Variants in POU6F2 observed in about 807,000 individuals in gnomAD.
The protein encoded by POU6F2 is POU domain, class 6, transcription factor 2.
Under a neutral mutation model 71.3 loss-of-function variants are expected in POU6F2, and 31 were observed. That is an observed-to-expected ratio of 0.43 (90% CI 0.33 to 0.59). POU6F2 has a LOEUF of 0.59. POU6F2 is among the 20% of genes least tolerant of loss of function. The pLI, the probability that POU6F2 is intolerant of heterozygous loss-of-function variation, is 0.04. For synonymous variants in POU6F2, 347 were observed against 355.7 expected, an observed-to-expected ratio of 0.98 and a Z score of 0.27; for missense variants, 783 against 856.8, an observed-to-expected ratio of 0.91 and a Z score of 1.07.
chr7:39,078,747 C>T (rs766792302), intron 1 of POU6F2, among the ~76,000 whole-genome samples: 92 of 152,178 alleles, frequency 6.0e-4, no homozygotes, highest in African/African-American at 2.1e-3. Context: ...CCCAGAGGAA[C>T]AGATATGACC....
intron 2 of POU6F2, among the ~76,000 whole-genome samples, chr7:39,199,498 T>A (rs929363409): frequency 6.6e-6 from 1 of 151,948 alleles, no homozygotes; most frequent in Admixed American, 6.6e-5. Flanking sequence ...AATTTTTTTT[T>A]AAAAGAATTG....
chr7:39,076,991 A>C (rs1791016377), intron 1 of POU6F2, among the ~76,000 whole-genome samples: 1 of 152,222 alleles, frequency 6.6e-6, no homozygotes, highest in African/African-American at 2.4e-5. Flanking sequence ...ACTCCCAAGC[A>C]ACTCTACATT....
intron 4 of POU6F2, among the ~76,000 whole-genome samples, chr7:39,322,856 G>T (rs1785424266): frequency 1.3e-5 from 2 of 152,228 alleles, no homozygotes; most frequent in South Asian, 4.1e-4. Flanking sequence ...TCCATTGCAG[G>T]CTCAGAGGTC....
chr7:39,454,276 C>T (rs1441353345), intron 8 of POU6F2, among the ~76,000 whole-genome samples: 1 of 152,116 alleles, frequency 6.6e-6, no homozygotes, highest in African/African-American at 2.4e-5. Context: ...AACTTGGAAG[C>T]TCTCCAAATT....
chr7:39,455,455 C>A (rs1027522590), intron 8 of POU6F2, among the ~76,000 whole-genome samples: 1 of 152,126 alleles, frequency 6.6e-6, no homozygotes, highest in Non-Finnish European at 1.5e-5. Context: ...TTGCAAACTC[C>A]CAAATGGCTT....
intron 4 of POU6F2, among the ~76,000 whole-genome samples, chr7:39,289,338 C>A (rs1006566987): frequency 1.3e-5 from 2 of 152,232 alleles, no homozygotes; most frequent in Non-Finnish European, 2.9e-5. Flanking sequence ...AACCACCCAC[C>A]ACGTGACCAT....
At chr7:39,416,814 TAAAA>T (rs531942673) in intron 6 of POU6F2, among the ~76,000 whole-genome samples, 5 of 142,496 alleles carry the variant, frequency 3.5e-5, no homozygotes, top group East Asian at 4.0e-4. Context: ...GTTAAAAATG[TAAAA>T]AAAAAAAAGA....
At chr7:39,138,542 T>C (rs972566234) in intron 2 of POU6F2, among the ~76,000 whole-genome samples, 1 of 152,150 alleles carries the variant, frequency 6.6e-6, no homozygotes, top group Non-Finnish European at 1.5e-5. Context: ...GTGTGAGGGA[T>C]CTAGGTTGTG....
rs573309125 is a variant in POU6F2 at position 38,987,390 on chromosome 7, T to C, written c.105+9332T>C. Among the ~76,000 whole-genome samples, 13 of 152,272 alleles carry C rather than the reference T, an allele frequency of 8.5e-5. No individual in the cohort carries two copies. The East Asian group carries it at 2.5e-3, about 29-fold the overall frequency. On this transcript the variant is annotated intron_variant, in intron 1 of 9. Transcript: ENST00000518318. ...TCAACTGAACAAAATGCTTGTTATT[T>C]TCTTTCATGAGCCTCAATGCTGTTT...
intron 1 of POU6F2, chr7:39,083,689 C>T (rs1791174770): frequency 6.6e-6 from 1 of 152,174 alleles, no homozygotes. Context: ...AAATCTATCA[C>T]TAGCAAATTC....
At chr7:39,156,810 C>T (rs1317226616) in intron 2 of POU6F2, among the ~76,000 whole-genome samples, 1 of 152,156 alleles carries the variant, frequency 6.6e-6, no homozygotes, top group East Asian at 1.9e-4. Flanking sequence ...TCCCTGCTTA[C>T]CTCTTCAGGA....
intron 6 of POU6F2, among the ~76,000 whole-genome samples, chr7:39,407,700 A>C (rs528642992): frequency 6.6e-6 from 1 of 152,002 alleles, no homozygotes. Context: ...TGTTCTGTGG[A>C]GAGCAGGCAT....
chr7:39,034,407 GA>G, intron 1 of POU6F2: 1 of 340,458 alleles, frequency 2.9e-6, no homozygotes, highest in South Asian at 2.2e-5. Flanking sequence ...AGATAGAGAA[GA>G]AAATGACGTG....
chr7:39,171,016 C>CTTTTTTTTTTTTT (rs760022218), intron 2 of POU6F2, among the ~76,000 whole-genome samples: 2 of 94,586 alleles, frequency 2.1e-5, no homozygotes, highest in Admixed American at 1.2e-4. Flanking sequence ...TCACATATAT[C>CTTTTTTTTTTTTT]TTTTTTTTTT....
intron 4 of POU6F2, among the ~76,000 whole-genome samples, chr7:39,292,151 C>T (rs1477544000): frequency 6.6e-6 from 1 of 152,146 alleles, no homozygotes; most frequent in Non-Finnish European, 1.5e-5. Context: ...AAAATAGCAA[C>T]TGGAAATAAC....
intron 1 of POU6F2, among the ~76,000 whole-genome samples, chr7:39,079,229 C>T (rs1348167128): frequency 2.9e-5 from 4 of 137,994 alleles, no homozygotes; most frequent in African/African-American, 1.1e-4. Flanking sequence ...CACCCTGTCA[C>T]CCAGGCTGGA....
intron 2 of POU6F2, among the ~76,000 whole-genome samples, chr7:39,094,444 A>G (rs180885200): frequency 2.0e-5 from 3 of 152,250 alleles, no homozygotes; most frequent in Admixed American, 1.3e-4. Context: ...ATTTTATTCA[A>G]TAGTTATTAA....
intron 7 of POU6F2, among the ~76,000 whole-genome samples, chr7:39,435,658 A>G (rs536536171): frequency 6.6e-6 from 1 of 152,224 alleles, no homozygotes; most frequent in Admixed American, 6.5e-5. Flanking sequence ...CAATTTTGGC[A>G]TTTCTTGCCA....
chr7:39,353,795 G>A (rs538727211), intron 5 of POU6F2, among the ~76,000 whole-genome samples: 3 of 152,252 alleles, frequency 2.0e-5, no homozygotes, highest in South Asian at 2.1e-4. Context: ...GATTTGACTC[G>A]GAAAGTCTGC....
Sources: allele counts gnomAD v4.1 joint callset (sites outside exome capture counted in the v4.1 genomes callset), GRCh38; gene constraint gnomAD v4.1.1; transcripts MANE v1.5; gene names NCBI Gene and HGNC (gene_info 2026-07-23, HGNC 2026-07-21).